Variants in PDZRN4 observed in about 807,000 individuals in gnomAD.
PDZRN4 encodes PDZ domain containing ring finger 4.
In PDZRN4, 70 loss-of-function variants were observed where a neutral mutation model predicts 99.0. The ratio of observed to expected loss-of-function variants is 0.71; its 90% CI spans 0.58 to 0.86. The LOEUF (loss-of-function observed/expected upper bound fraction) is 0.86. Ranked by LOEUF, PDZRN4 falls within the 40% of genes least tolerant of loss-of-function variation. The pLI, the probability that PDZRN4 is intolerant of heterozygous loss-of-function variation, is 0.00. For synonymous variants in PDZRN4, 551 were observed against 501.6 expected (o/e 1.10, Z -1.32); for missense variants, 1,474 against 1,331.2 (o/e 1.11, Z -1.67).
At chr12:41,386,805 C>A (rs917164361) in intron 3 of PDZRN4, among the ~76,000 whole-genome samples, 3 of 151,944 alleles carry the variant, frequency 2.0e-5, no homozygotes, top group Non-Finnish European at 2.9e-5. Flanking sequence ...AAATAGAAAA[C>A]CCAGAAGTAA....
intron 3 of PDZRN4, among the ~76,000 whole-genome samples, chr12:41,371,414 A>G (rs1400110696): frequency 1.3e-5 from 2 of 151,998 alleles, no homozygotes; most frequent in Non-Finnish European, 2.9e-5. Context: ...ATTCTGAGTC[A>G]GTGATTGAAT....
intron 3 of PDZRN4, among the ~76,000 whole-genome samples, chr12:41,321,031 AC>A: frequency 1.3e-5 from 2 of 152,204 alleles, no homozygotes; most frequent in Non-Finnish European, 2.9e-5. Flanking sequence ...GGATAATCAT[AC>A]CCCTGAAACA....
intron 3 of PDZRN4, among the ~76,000 whole-genome samples, chr12:41,440,563 T>C (rs1208219285): frequency 6.6e-6 from 1 of 152,068 alleles, no homozygotes; most frequent in Admixed American, 6.6e-5. Flanking sequence ...TTATATTTTG[T>C]TGATATTTTT....
chr12:41,451,998 G>A (rs1318610895), intron 3 of PDZRN4, among the ~76,000 whole-genome samples: 1 of 152,064 alleles, frequency 6.6e-6, no homozygotes, highest in Non-Finnish European at 1.5e-5. Flanking sequence ...TCTGAAAGAG[G>A]GAAAAGCACT....
At chr12:41,384,599 A>G (rs1217284177) in intron 3 of PDZRN4, among the ~76,000 whole-genome samples, 3 of 152,186 alleles carry the variant, frequency 2.0e-5, no homozygotes, top group African/African-American at 7.2e-5. Context: ...AGGACAGCAC[A>G]TCCTAGCTAC....
intron 3 of PDZRN4, among the ~76,000 whole-genome samples, chr12:41,339,619 A>G (rs1951801413): frequency 8.3e-6 from 1 of 119,884 alleles, no homozygotes; most frequent in South Asian, 2.6e-4. Flanking sequence ...CAGCAAAAGA[A>G]ACAATCAACA....
chr12:41,508,511 G>A (rs975758533), intron 4 of PDZRN4, among the ~76,000 whole-genome samples: 8 of 152,098 alleles, frequency 5.3e-5, no homozygotes, highest in African/African-American at 9.7e-5. Context: ...AATAAACGTC[G>A]AATGAATAAA....
intron 3 of PDZRN4, among the ~76,000 whole-genome samples, chr12:41,203,130 C>A (rs767192264): frequency 6.6e-6 from 1 of 151,218 alleles, no homozygotes; most frequent in Non-Finnish European, 1.5e-5. Context: ...GCTTTTGTTA[C>A]GGAAGGTTGA....
At chr12:41,447,640 A>G (rs938195546) in intron 3 of PDZRN4, among the ~76,000 whole-genome samples, 1 of 152,180 alleles carries the variant, frequency 6.6e-6, no homozygotes, top group Non-Finnish European at 1.5e-5. Flanking sequence ...CAGTCTAACA[A>G]TGACCCTATG....
intron 3 of PDZRN4, among the ~76,000 whole-genome samples, chr12:41,503,206 CTTCTT>C (rs1167321333): frequency 6.6e-6 from 1 of 152,092 alleles, no homozygotes; most frequent in Non-Finnish European, 1.5e-5. Flanking sequence ...AGGTCATAGA[CTTCTT>C]TACTTTGAGA....
chr12:41,383,315 A>G (rs1176892106), intron 3 of PDZRN4, among the ~76,000 whole-genome samples: 1 of 152,210 alleles, frequency 6.6e-6, no homozygotes, highest in African/African-American at 2.4e-5. Flanking sequence ...CTGTGGAGGC[A>G]CTCTGAGAGA....
chr12:41,569,634 A>G (rs1214507260), intron 9 of PDZRN4, among the ~76,000 whole-genome samples: 1 of 152,224 alleles, frequency 6.6e-6, no homozygotes, highest in African/African-American at 2.4e-5. Flanking sequence ...TGCAGCACAA[A>G]CATTCTATCA....
At chr12:41,426,630 T>G (rs1159822034) in intron 3 of PDZRN4, among the ~76,000 whole-genome samples, 2 of 152,196 alleles carry the variant, frequency 1.3e-5, no homozygotes, top group South Asian at 2.1e-4. Context: ...AATGTGAAAA[T>G]GCACATCTTA....
In PDZRN4 at chr12:41,188,507, T is replaced by C. The variant is rs776287904; in HGVS notation, c.52T>C (p.Cys18Arg). 13 of 1,589,566 alleles carry C rather than the reference T, an allele frequency of 8.2e-6. No homozygotes were observed. The highest frequency in any genetic ancestry group is 1.3e-5 in the African/African-American group (1 of 74,458). The change falls in exon 1 of 10, where the codon TGC (cysteine) becomes CGC (arginine). Residue 18 changes from cysteine (C) to arginine (R), a missense_variant. Coordinates refer to ENST00000402685, the MANE Select transcript of PDZRN4 (RefSeq NM_001164595.2). ...AGAAGCCGTGGACCCGGCTCTGGAG[T>C]GCAAACTGTGCGGCCAGGTGCTTGA... is the stretch of plus-strand genomic sequence containing the variant. ...FAEAVDPALE[C>R]KLCGQVLEEP...
intron 3 of PDZRN4, among the ~76,000 whole-genome samples, chr12:41,248,475 G>T (rs1047180323): frequency 2.6e-5 from 4 of 151,884 alleles, no homozygotes; most frequent in Admixed American, 1.3e-4. Flanking sequence ...AGAATTCAAT[G>T]ACTAAATCCA....
At chr12:41,567,054 C>T (rs957867932) in intron 8 of PDZRN4, among the ~76,000 whole-genome samples, 2 of 152,146 alleles carry the variant, frequency 1.3e-5, no homozygotes, top group South Asian at 2.1e-4. Flanking sequence ...TACAAGAATA[C>T]TTGTTTTCAA....
At chr12:41,571,214 T>TGC (rs1205582330) in intron 9 of PDZRN4, among the ~76,000 whole-genome samples, 1 of 152,106 alleles carries the variant, frequency 6.6e-6, no homozygotes, top group East Asian at 1.9e-4. Flanking sequence ...TTATAGATTA[T>TGC]CATATGATGA....
intron 3 of PDZRN4, among the ~76,000 whole-genome samples, chr12:41,215,908 A>G (rs1950918089): frequency 6.6e-6 from 1 of 151,704 alleles, no homozygotes; most frequent in African/African-American, 2.4e-5. Flanking sequence ...TCAGGATAGT[A>G]CGAGGATTTA....
At chr12:41,489,956 T>C (rs1937851905) in intron 3 of PDZRN4, among the ~76,000 whole-genome samples, 1 of 152,166 alleles carries the variant, frequency 6.6e-6, no homozygotes, top group Non-Finnish European at 1.5e-5. Context: ...TGAGTTTAAA[T>C]TAACAACCAT....
Sources: allele counts gnomAD v4.1 joint callset (sites outside exome capture counted in the v4.1 genomes callset), GRCh38; gene constraint gnomAD v4.1.1; transcripts MANE v1.5; gene names NCBI Gene and HGNC (gene_info 2026-07-23, HGNC 2026-07-21).